ADD1: variants seen among roughly 807,000 people sequenced by gnomAD.
ADD1 encodes the protein adducin 1.
In ADD1, 24 loss-of-function variants were observed where a neutral mutation model predicts 80.5. The ratio of observed to expected loss-of-function variants is 0.30; its 90% confidence interval spans 0.22 to 0.42. The LOEUF (loss-of-function observed/expected upper bound fraction) is 0.42. Among genes scored for constraint, ADD1 ranks in the 10% least tolerant of loss-of-function variants. The pLI is 1.00. For synonymous variants in ADD1, 373 were observed against 393.8 expected (o/e 0.95, Z 0.63); for missense variants, 948 against 1,019.0 (o/e 0.93, Z 0.95).
chr4:2,881,619 A>G (rs1732359256), intron 2 of ADD1: 4 of 277,674 alleles, frequency 1.4e-5, no homozygotes. Context: ...GAATGAACAT[A>G]CAAATGAATC....
intron 1 of ADD1, among the ~76,000 whole-genome samples, chr4:2,867,471 G>T (rs953395661): frequency 6.6e-6 from 1 of 152,162 alleles, no homozygotes; most frequent in South Asian, 2.1e-4. Flanking sequence ...TAAGAGTGCG[G>T]TCTCCAAACC....
chr4:2,881,331 C>T (rs750605243), intron 2 of ADD1, among the ~76,000 whole-genome samples: 22 of 151,860 alleles, frequency 1.4e-4, no homozygotes, highest in Non-Finnish European at 2.6e-4. Flanking sequence ...CACCTGCCTT[C>T]GCCTCCTAAA....
chr4:2,909,976 A>G (rs1208811552), intron 13 of ADD1, among the ~76,000 whole-genome samples: 1 of 150,676 alleles, frequency 6.6e-6, no homozygotes, highest in Admixed American at 6.7e-5. Flanking sequence ...CTCAAAAAAA[A>G]AAAAAAAAAC....
Position 2,909,351 on chromosome 4 carries a change from T to C in ADD1, c.1711T>C (p.Ser571Pro). 1.3e-6 allele frequency: 2 copies of C among 1,550,442 alleles called. No homozygotes were observed. Among genetic ancestry groups the C allele is most frequent in the Non-Finnish European group, 1.7e-6 (2 of 1,146,834 alleles). The change falls in exon 13 of 16, where the codon TCT (serine) becomes CCT (proline). Residue 571 changes from serine (S) to proline (P), a missense_variant. Ser to Pro is a moderately conservative substitution (Grantham distance 74). Transcript: ENST00000683351. ...DRSLVQDAPL[S>P]DCTETIEGLE... ...TTTACTGTTTCAGGATGCACCTCTC[T>C]CTGACTGTACGGAAACTATCGAAGG... is the stretch of plus-strand genomic sequence containing the variant.
chr4:2,881,720 T>C, intron 2 of ADD1, 178 bp from the exon 3 acceptor site: 1 of 449,756 alleles, frequency 2.2e-6, no homozygotes, highest in Non-Finnish European at 3.9e-6. Flanking sequence ...TTGTATTAAA[T>C]TACTTTCTAG....
rs948403580 is a variant in ADD1 at position 2,907,730 on chromosome 4, C to G, written c.1507-13C>G. 3 of 1,602,996 alleles carry G rather than the reference C, an allele frequency of 1.9e-6. No homozygotes were observed. Among genetic ancestry groups the G allele is most frequent in the African/African-American group, 2.7e-5 (2 of 74,696 alleles). On this transcript the variant is annotated splice_polypyrimidine_tract_variant and intron_variant, in intron 10 of 15. Coordinates refer to ENST00000683351, the MANE Select transcript of ADD1 (RefSeq NM_001354761.2). ...TCATAATTCTGACTTTTCAACTGTT[C>G]TTGATATTACAGTGGACTAAAGAGG...
At chr4:2,895,250 T>C (rs1056430192) in intron 6 of ADD1, among the ~76,000 whole-genome samples, 2 of 152,124 alleles carry the variant, frequency 1.3e-5, no homozygotes, top group Admixed American at 1.3e-4. Context: ...AGTAAGACCT[T>C]GTCTCAAAAA....
chr4:2,853,298 G>A (rs1577426580), intron 1 of ADD1: 1 of 151,958 alleles, frequency 6.6e-6, no homozygotes, highest in East Asian at 1.9e-4. Context: ...TAGAGATAAG[G>A]GTTTCACCAT....
intron 4 of ADD1, among the ~76,000 whole-genome samples, chr4:2,892,699 A>G (rs567812126): frequency 6.6e-6 from 1 of 152,066 alleles, no homozygotes; most frequent in South Asian, 2.1e-4. Context: ...GCCAGGCTTA[A>G]TGACTTGTGC....
chr4:2,911,895 G>T (rs1577688602), intron 13 of ADD1, among the ~76,000 whole-genome samples: 1 of 152,216 alleles, frequency 6.6e-6, no homozygotes, highest in Non-Finnish European at 1.5e-5. Flanking sequence ...CTCACCAGGG[G>T]CTGTGTTCTC....
chr4:2,886,553 T>C (rs1733404973), intron 4 of ADD1, among the ~76,000 whole-genome samples: 1 of 152,230 alleles, frequency 6.6e-6, no homozygotes, highest in Admixed American at 6.5e-5. Flanking sequence ...TGTTTAGCTG[T>C]TGCTGTCCCT....
At chr4:2,846,503 G>T (rs1487670358) in intron 1 of ADD1, among the ~76,000 whole-genome samples, 1 of 152,118 alleles carries the variant, frequency 6.6e-6, no homozygotes, top group Non-Finnish European at 1.5e-5. Context: ...ATTGATATTT[G>T]AATTCTATAA....
At chr4:2,874,033 G>A (rs1730859005) in intron 1 of ADD1, among the ~76,000 whole-genome samples, 1 of 151,604 alleles carries the variant, frequency 6.6e-6, no homozygotes, top group African/African-American at 2.4e-5. Flanking sequence ...AACATAGTGA[G>A]ACCTCATCTC....
Position 2,926,513 on chromosome 4 carries a change from G to T in ADD1, c.2047+401G>T. The stretch of plus-strand genomic sequence containing the variant: ...TGTGATCCCGGGTGTCTGTCCCTCG[G>T]TCTCGTACATCCATGTCTCTCGTGA... On this transcript the variant is annotated intron_variant, in intron 15 of 15. Coordinates refer to ENST00000683351, the MANE Select transcript of ADD1 (RefSeq NM_001354761.2). This position sits in a 1 kb window ranked among gnomAD's most constrained non-coding sequence, Gnocchi z 5.0. The T allele has an allele frequency of 1.0e-6, 1 of 988,034 alleles. No homozygotes were observed. The highest frequency in any genetic ancestry group is 1.4e-5 in the South Asian group (1 of 71,668). The allele number at this position is 988,034 out of a possible 1,614,324, so 61.2% of individuals were successfully genotyped here.
chr4:2,909,078 G>T, intron 12 of ADD1: 1 of 526,454 alleles, frequency 1.9e-6, no homozygotes, highest in African/African-American at 1.9e-5. Flanking sequence ...GAAGATAATT[G>T]TGTAAGTAGT....
At chr4:2,858,485 C>A (rs188209420) in intron 1 of ADD1, among the ~76,000 whole-genome samples, 4 of 152,274 alleles carry the variant, frequency 2.6e-5, no homozygotes, top group Admixed American at 2.6e-4. Flanking sequence ...AGACTATAAA[C>A]CATAGATAGG....
intron 1 of ADD1, among the ~76,000 whole-genome samples, chr4:2,852,133 G>A (rs527447784): frequency 3.8e-4 from 51 of 135,216 alleles, no homozygotes; most frequent in African/African-American, 1.3e-3. Flanking sequence ...ACAGCACCCG[G>A]CCTCTTTTCT....
chr4:2,928,277 A>C lies in ADD1; in HGVS notation c.2154A>C (p.Pro718=), dbSNP rs1298092406. ...PDEPSEALGF[P]MLEKEEEAHR... is the part of the protein sequence containing the mutation. The stretch of plus-strand genomic sequence containing the variant: ...AACCTTCAGAAGCACTCGGCTTCCC[A>C]ATGTTAGAGAAGGAGGAGGAAGCCC... The change falls in exon 16 of 16, where the codon CCA becomes CCC. Residue 718 remains proline, a synonymous_variant. Coordinates refer to ENST00000683351, the MANE Select transcript of ADD1 (RefSeq NM_001354761.2). The C allele has an allele frequency of 2.5e-6, 4 of 1,613,760 alleles. No individual in the cohort carries two copies. In the Admixed American group the frequency reaches 5.0e-5, roughly 20 times the overall value.
chr4:2,851,332 C>T (rs1445076923), intron 1 of ADD1, among the ~76,000 whole-genome samples: 2 of 152,206 alleles, frequency 1.3e-5, no homozygotes, highest in Non-Finnish European at 2.9e-5. Context: ...TCATATCTAA[C>T]TGGAGGTGTG....
Sources: allele counts gnomAD v4.1 joint callset (sites outside exome capture counted in the v4.1 genomes callset), GRCh38; gene constraint gnomAD v4.1.1; non-coding constraint Gnocchi (gnomAD v3.1); transcripts MANE v1.5; gene names NCBI Gene and HGNC (gene_info 2026-07-23, HGNC 2026-07-21).